Variants in TIAM1 observed in about 807,000 individuals in gnomAD.
The protein encoded by TIAM1 is rho guanine nucleotide exchange factor TIAM1.
In TIAM1, 65 loss-of-function variants were observed where a neutral mutation model predicts 163.5. That is an observed-to-expected ratio of 0.40 (90% CI 0.33 to 0.49). The LOEUF (loss-of-function observed/expected upper bound fraction) is 0.49, where lower values mean the gene tolerates loss of function less well. Ranked by LOEUF, TIAM1 falls within the 20% of genes least tolerant of loss-of-function variation. The pLI is 0.77. For missense variants in TIAM1, 1,789 were observed against 2,044.7 expected (o/e 0.87, Z 2.41); for synonymous variants, 833 against 810.1 (o/e 1.03, Z -0.48).
At chr21:31,423,700 T>TAAAAAAAAAAAAAAAAAAA (rs200137644) in intron 2 of TIAM1, among the ~76,000 whole-genome samples, 1 of 48,224 alleles carries the variant, frequency 2.1e-5, no homozygotes, top group African/African-American at 8.3e-5. Context: ...TAGAAAGTTG[T>TAAAAAAAAAAAAAAAAAAA]AAAAAAAAAA....
At chr21:31,410,217 ACTGCATTATGT>A (rs1253214481) in intron 2 of TIAM1, among the ~76,000 whole-genome samples, 1 of 150,496 alleles carries the variant, frequency 6.6e-6, no homozygotes, top group Non-Finnish European at 1.5e-5. Context: ...TGTGTGTGAG[ACTGCATTATGT>A]GATTGTGAGC....
At chr21:31,548,661 T>C (rs982451534) in intron 1 of TIAM1, among the ~76,000 whole-genome samples, 1 of 151,550 alleles carries the variant, frequency 6.6e-6, no homozygotes, top group African/African-American at 2.4e-5. Context: ...CTAATTTTTG[T>C]ATTTTTTTCT....
chr21:31,409,408 A>G (rs554660205), intron 2 of TIAM1, among the ~76,000 whole-genome samples: 3 of 152,244 alleles, frequency 2.0e-5, no homozygotes, highest in African/African-American at 7.2e-5. Context: ...ACACCCAGCC[A>G]GACCTTCTCC....
intron 2 of TIAM1, among the ~76,000 whole-genome samples, chr21:31,295,763 C>G (rs1267645066): frequency 6.6e-6 from 1 of 152,064 alleles, no homozygotes; most frequent in East Asian, 1.9e-4. Flanking sequence ...ATACACGTAC[C>G]TTTTGAGAAT....
intron 6 of TIAM1, among the ~76,000 whole-genome samples, chr21:31,244,629 A>C (rs896473439): frequency 1.3e-5 from 2 of 152,132 alleles, no homozygotes; most frequent in African/African-American, 4.8e-5. Flanking sequence ...AGAGGCTGAG[A>C]CAGGAGAATT....
At chr21:31,302,995 T>A (rs956950230) in intron 2 of TIAM1, among the ~76,000 whole-genome samples, 23 of 152,216 alleles carry the variant, frequency 1.5e-4, no homozygotes, top group Admixed American at 6.5e-4. Flanking sequence ...GAATTTGAAC[T>A]GGCAAACTCT....
intron 2 of TIAM1, among the ~76,000 whole-genome samples, chr21:31,390,342 AC>A (rs1398551939): frequency 6.6e-6 from 1 of 152,204 alleles, no homozygotes; most frequent in African/African-American, 2.4e-5. Flanking sequence ...CTTTTGTATT[AC>A]TGTTATCAAA....
intron 2 of TIAM1, among the ~76,000 whole-genome samples, chr21:31,405,012 C>A (rs1400041355): frequency 6.6e-6 from 1 of 151,958 alleles, no homozygotes; most frequent in Admixed American, 6.6e-5. Flanking sequence ...GAGGCCGAGG[C>A]AGGAGGAATG....
intron 1 of TIAM1, among the ~76,000 whole-genome samples, chr21:31,515,794 A>C (rs1602467170): frequency 1.3e-5 from 2 of 152,140 alleles, no homozygotes; most frequent in Admixed American, 1.3e-4. Context: ...GTTCATGACC[A>C]TTGTCTGCAG....
At chr21:31,202,018 A>G (rs2086226635) in intron 12 of TIAM1, among the ~76,000 whole-genome samples, 1 of 151,988 alleles carries the variant, frequency 6.6e-6, no homozygotes, top group South Asian at 2.1e-4. Context: ...GTTCCATATG[A>G]TTAGTAAGCA....
intron 11 of TIAM1, among the ~76,000 whole-genome samples, chr21:31,204,905 G>C (rs2086371291): frequency 6.6e-6 from 1 of 152,178 alleles, no homozygotes; most frequent in Non-Finnish European, 1.5e-5. Context: ...ATGATAGTTT[G>C]CAGCCTGCTG....
rs548863625 is a variant in TIAM1, at chr21:31,379,438, C to T, written c.-368-40016G>A. On this transcript the variant is annotated intron_variant, in intron 2 of 28. Coordinates refer to the TIAM1 transcript ENST00000286827. ...GCTTCCAAAAACACTGCACTATGCC[C>T]TAGCCAAAGAATCACCCAAGGTTGG... Among the ~76,000 whole-genome samples, 5 of 151,928 alleles carry T rather than the reference C, an allele frequency of 3.3e-5. No individual in the cohort carries two copies. The South Asian group carries it at 8.3e-4, about 25-fold the overall frequency.
chr21:31,400,120 C>CT (rs3216556), intron 2 of TIAM1, among the ~76,000 whole-genome samples: 72 of 145,414 alleles, frequency 5.0e-4, no homozygotes, highest in African/African-American at 1.4e-3. Flanking sequence ...GGACAACACT[C>CT]TTTTTTTTTT....
At chr21:31,470,969 T>G (rs1351882598) in intron 1 of TIAM1, among the ~76,000 whole-genome samples, 2 of 152,054 alleles carry the variant, frequency 1.3e-5, no homozygotes, top group East Asian at 1.9e-4. Context: ...TTCCTGCAAA[T>G]CTCTCACAGC....
chr21:31,251,490 G>A (rs1028305532), intron 5 of TIAM1, among the ~76,000 whole-genome samples: 3 of 152,144 alleles, frequency 2.0e-5, no homozygotes, highest in Admixed American at 1.3e-4. Flanking sequence ...GCCCAGCCCA[G>A]ATGACTAGAT....
intron 1 of TIAM1, among the ~76,000 whole-genome samples, chr21:31,535,607 G>T (rs1206447977): frequency 6.6e-6 from 1 of 152,042 alleles, no homozygotes; most frequent in Non-Finnish European, 1.5e-5. Context: ...TAAAGGGGAT[G>T]TCAGAGCTCC....
chr21:31,277,958 C>T (rs979478926), intron 2 of TIAM1, among the ~76,000 whole-genome samples: 2 of 152,136 alleles, frequency 1.3e-5, no homozygotes, highest in Non-Finnish European at 2.9e-5. Context: ...TAGGGTAATA[C>T]ATAGCCCTAC....
intron 2 of TIAM1, among the ~76,000 whole-genome samples, chr21:31,442,970 A>G (rs936572094): frequency 6.6e-6 from 1 of 152,224 alleles, no homozygotes; most frequent in Non-Finnish European, 1.5e-5. Flanking sequence ...TGTTTCAATG[A>G]ACTAGTGTAT....
At chr21:31,328,033 T>C (rs1042542190) in intron 2 of TIAM1, among the ~76,000 whole-genome samples, 6 of 152,078 alleles carry the variant, frequency 3.9e-5, no homozygotes, top group African/African-American at 1.4e-4. Flanking sequence ...ACTTCCAACA[T>C]GCCCAGCCCA....
Sources: allele counts gnomAD v4.1 joint callset (sites outside exome capture counted in the v4.1 genomes callset), GRCh38; gene constraint gnomAD v4.1.1; transcripts MANE v1.5; gene names NCBI Gene and HGNC (gene_info 2026-07-23, HGNC 2026-07-21).